The following CELF4 variants were observed in gnomAD, a reference collection of about 807,000 sequenced individuals.
The protein encoded by CELF4 is CUG-BP- and ETR-3-like factor 4.
CELF4 carries 18 observed loss-of-function variants against 59.9 expected under a neutral mutation model. That is an observed-to-expected ratio of 0.30 (90% confidence interval 0.21 to 0.45). The LOEUF is 0.45. CELF4 is among the 20% of genes least tolerant of loss of function. CELF4 has a pLI of 1.00. For missense variants in CELF4, 456 were observed against 689.0 expected (o/e 0.66, Z 3.79); for synonymous variants, 261 against 267.1 (o/e 0.98, Z 0.22).
At chr18:37,400,476 T>G (rs1222308686) in intron 2 of CELF4, among the ~76,000 whole-genome samples, 2 of 152,220 alleles carry the variant, frequency 1.3e-5, no homozygotes, top group Non-Finnish European at 2.9e-5. Flanking sequence ...ATGTGTTTGT[T>G]GCATTCATGT....
intron 2 of CELF4, among the ~76,000 whole-genome samples, chr18:37,394,661 C>T (rs540594847): frequency 1.3e-5 from 2 of 152,332 alleles, no homozygotes; most frequent in Admixed American, 6.5e-5. Flanking sequence ...CCCCAGCACC[C>T]CTCCACTCCA....
intron 1 of CELF4, among the ~76,000 whole-genome samples, chr18:37,542,339 A>C (rs1328605140): frequency 6.6e-6 from 1 of 152,244 alleles, no homozygotes; most frequent in Non-Finnish European, 1.5e-5. Context: ...CTCGCTGTGC[A>C]CCCACTGAAC....
intron 2 of CELF4, among the ~76,000 whole-genome samples, chr18:37,443,211 TC>T (rs1196466598): frequency 1.3e-5 from 2 of 152,136 alleles, no homozygotes; most frequent in Non-Finnish European, 1.5e-5. Flanking sequence ...TCTCTGTCCC[TC>T]CGCCTCCTGA....
intron 1 of CELF4, among the ~76,000 whole-genome samples, chr18:37,562,342 T>G (rs2099986798): frequency 6.6e-6 from 1 of 151,388 alleles, no homozygotes. Context: ...TGAAACCTCC[T>G]GTGTTTAATT....
At chr18:37,498,005 G>A (rs1186267508) in intron 1 of CELF4, among the ~76,000 whole-genome samples, 1 of 152,156 alleles carries the variant, frequency 6.6e-6, no homozygotes, top group Non-Finnish European at 1.5e-5. Context: ...CCCATGTCCT[G>A]AACTCTGGAC....
At chr18:37,433,781 G>T (rs971766902) in intron 2 of CELF4, among the ~76,000 whole-genome samples, 1 of 152,172 alleles carries the variant, frequency 6.6e-6, no homozygotes, top group African/African-American at 2.4e-5. Context: ...TCACGATTCT[G>T]TCACTTGGAG....
chr18:37,456,544 T>C (rs2099778927), intron 2 of CELF4, among the ~76,000 whole-genome samples: 1 of 152,212 alleles, frequency 6.6e-6, no homozygotes, highest in Non-Finnish European at 1.5e-5. Context: ...AGATCCATGA[T>C]GAACATGACT....
chr18:37,404,187 A>G (rs565836371), intron 2 of CELF4, among the ~76,000 whole-genome samples: 9 of 152,250 alleles, frequency 5.9e-5, no homozygotes, highest in African/African-American at 1.9e-4. Context: ...GACAGCTACA[A>G]CTTGGAGAGG....
chr18:37,431,961 A>G (rs1234040219), intron 2 of CELF4, among the ~76,000 whole-genome samples: 2 of 152,180 alleles, frequency 1.3e-5, no homozygotes, highest in Non-Finnish European at 2.9e-5. Flanking sequence ...TAAAAGCGTG[A>G]AATAGGTCCC....
At chr18:37,378,111 C>T (rs2098992485) in intron 2 of CELF4, among the ~76,000 whole-genome samples, 1 of 152,188 alleles carries the variant, frequency 6.6e-6, no homozygotes, top group South Asian at 2.1e-4. Context: ...GAGAGCAGCT[C>T]CCACTCACCT....
intron 2 of CELF4, among the ~76,000 whole-genome samples, chr18:37,426,749 T>G (rs1160873025): frequency 1.3e-5 from 2 of 152,090 alleles, no homozygotes; most frequent in African/African-American, 4.8e-5. Context: ...GGAAAACAAT[T>G]TGCCAGGCCA....
chr18:37,483,687 G>A (rs965354950), intron 2 of CELF4, among the ~76,000 whole-genome samples: 2 of 152,158 alleles, frequency 1.3e-5, no homozygotes, highest in African/African-American at 2.4e-5. Context: ...TCGCTCCAAT[G>A]TGCTCCTGAT....
At chr18:37,355,373 T>C (rs1359024113) in intron 2 of CELF4, among the ~76,000 whole-genome samples, 2 of 152,098 alleles carry the variant, frequency 1.3e-5, no homozygotes, top group African/African-American at 4.8e-5. Flanking sequence ...CTATAAACTT[T>C]AAACTGAAAA....
chr18:37,370,287 C>T (rs1407263395), intron 2 of CELF4, among the ~76,000 whole-genome samples: 1 of 152,162 alleles, frequency 6.6e-6, no homozygotes, highest in Non-Finnish European at 1.5e-5. Context: ...GGGCCATTTC[C>T]CCAGGCTTAC....
chr18:37,331,239 A>G (rs190811681), intron 2 of CELF4, among the ~76,000 whole-genome samples: 1 of 152,082 alleles, frequency 6.6e-6, no homozygotes. Context: ...ATCTGCAGAC[A>G]TGTCTCACCA....
At position 37,505,642 on chromosome 18, in the gene CELF4, G is replaced by A. The variant is rs896007211; in HGVS notation, c.287-20035C>T. ...CCTCAGTGGCTGGCAGGGGAGCAGG[G>A]TGGTTAGAGACATGGGCTTTGGCAT... On this transcript the variant is annotated intron_variant, in intron 1 of 12. Transcript: ENST00000420428. Among the ~76,000 whole-genome samples the A allele has an allele frequency of 3.3e-5, 5 of 152,280 alleles. No homozygotes were observed. In the South Asian group the frequency reaches 1.0e-3, roughly 32 times the overall value.
intron 2 of CELF4, among the ~76,000 whole-genome samples, chr18:37,333,414 C>G (rs2097634250): frequency 6.6e-6 from 1 of 151,924 alleles, no homozygotes; most frequent in Non-Finnish European, 1.5e-5. Flanking sequence ...TCCTCCTCCT[C>G]TCACATCTTC....
intron 2 of CELF4, among the ~76,000 whole-genome samples, chr18:37,362,333 T>C (rs2098716849): frequency 1.3e-5 from 2 of 152,134 alleles, no homozygotes; most frequent in East Asian, 3.9e-4. Flanking sequence ...CAAGTCAGGG[T>C]TGCGGACGCA....
chr18:37,321,140 T>C (rs1457807276), intron 3 of CELF4, among the ~76,000 whole-genome samples: 1 of 152,080 alleles, frequency 6.6e-6, no homozygotes, highest in Non-Finnish European at 1.5e-5. Flanking sequence ...TGTCACTTGG[T>C]GACGGAGCTG....
Sources: gnomAD v4.1 joint callset for allele counts (sites outside exome capture counted in the v4.1 genomes callset) on GRCh38, gnomAD v4.1.1 for gene constraint, MANE v1.5 for transcripts, NCBI Gene and HGNC (gene_info 2026-07-23, HGNC 2026-07-21) for gene names.